The following PRKAR2A variants were observed in gnomAD, a reference collection of about 807,000 sequenced individuals.
PRKAR2A encodes protein kinase cAMP-dependent type II regulatory subunit alpha, also known as cAMP-dependent protein kinase type II-alpha regulatory subunit.
A neutral mutation model predicts 51.9 loss-of-function variants in PRKAR2A; 29 were observed. That is an observed-to-expected ratio of 0.56 (90% CI 0.42 to 0.76). The LOEUF (loss-of-function observed/expected upper bound fraction) is 0.76, where lower values mean the gene tolerates loss of function less well. Among genes scored for constraint, PRKAR2A ranks in the 30% least tolerant of loss-of-function variants. PRKAR2A has a pLI of 0.00. For synonymous variants in PRKAR2A, 178 were observed against 186.2 expected, an observed-to-expected ratio of 0.96 and a Z score of 0.36; for missense variants, 445 against 512.1, an observed-to-expected ratio of 0.87 and a Z score of 1.26.
At chr3:48,765,442 T>C (rs2081927115) in intron 6 of PRKAR2A, 93 bp from the exon 7 acceptor site, 3 of 799,994 alleles carry the variant, frequency 3.8e-6, no homozygotes, top group South Asian at 3.7e-5. Context: ...TAGAGGAATA[T>C]GTAAGTTACT....
chr3:48,781,746 C>CAG (rs2082200208), intron 5 of PRKAR2A, among the ~76,000 whole-genome samples: 1 of 151,748 alleles, frequency 6.6e-6, no homozygotes, highest in African/African-American at 2.4e-5. Context: ...CTCCTGACCT[C>CAG]GTGATCTGCC....
intron 1 of PRKAR2A, among the ~76,000 whole-genome samples, chr3:48,845,061 G>A (rs2083441096): frequency 1.3e-5 from 2 of 152,138 alleles, no homozygotes; most frequent in African/African-American, 4.8e-5. Flanking sequence ...AATAAAAATT[G>A]TCTCAAAGCA....
intron 1 of PRKAR2A, among the ~76,000 whole-genome samples, chr3:48,836,066 G>A (rs2083278276): frequency 6.6e-6 from 1 of 151,996 alleles, no homozygotes; most frequent in Non-Finnish European, 1.5e-5. Context: ...ACAATTAAGT[G>A]AGAAAAGAAT....
At chr3:48,835,407 C>A (rs1242843013) in intron 1 of PRKAR2A, among the ~76,000 whole-genome samples, 2 of 151,926 alleles carry the variant, frequency 1.3e-5, no homozygotes, top group African/African-American at 4.8e-5. Flanking sequence ...TTTGGGAGGC[C>A]AAGGCGGGCA....
chr3:48,846,444 T>A (rs959767482), intron 1 of PRKAR2A, among the ~76,000 whole-genome samples: 1 of 151,980 alleles, frequency 6.6e-6, no homozygotes, highest in Non-Finnish European at 1.5e-5. Flanking sequence ...CTCGAACTCC[T>A]GACCTCAGGT....
In PRKAR2A at chr3:48,749,240, C is replaced by T. The variant is rs1006024547; in HGVS notation, c.*2345G>A. On this transcript the variant is annotated 3_prime_UTR_variant, in exon 11 of 11. Transcript: ENST00000265563. The stretch of plus-strand genomic sequence containing the variant: ...ATCTTTACGGAAATTTCACACTGCT[C>T]CTAGGAGCCCTTATAGCATCTGATT... 1 of 152,132 alleles carries T rather than the reference C, an allele frequency of 6.6e-6. No individual in the cohort carries two copies. The highest frequency in any genetic ancestry group is 2.4e-5 in the African/African-American group (1 of 41,408). The allele number at this position is 152,132 out of a possible 1,614,324, so 9.4% of individuals were successfully genotyped here.
chr3:48,752,131 T>C, intron 10 of PRKAR2A, 45 bp downstream of exon 10: 2 of 1,590,146 alleles, frequency 1.3e-6, no homozygotes, highest in Non-Finnish European at 1.7e-6. Flanking sequence ...AAAAAAATAT[T>C]ACATGTTAGA....
intron 1 of PRKAR2A, among the ~76,000 whole-genome samples, chr3:48,810,927 A>T (rs1350017939): frequency 6.6e-6 from 1 of 152,176 alleles, no homozygotes; most frequent in East Asian, 1.9e-4. Context: ...TTATAATCTC[A>T]GCATTTTGGG....
Position 48,794,032 on chromosome 3 carries a change from T to C in PRKAR2A, c.316A>G (p.Asn106Asp). The C allele has an allele frequency of 6.2e-7, 1 of 1,605,924 alleles. No individual in the cohort carries two copies. Among genetic ancestry groups the C allele is most frequent in the South Asian group, 1.1e-5 (1 of 90,798 alleles). The part of the protein sequence containing the change: ...RRVSVCAETY[N>D]PDEEEEDTDP... ...GTATCTTCCTCTTCCTCATCAGGGT[T>C]ATAGGTCTCAGCACAGACTAAAATT... Residue 106 changes from asparagine to aspartate, a missense_variant, in exon 3 of 11, where the codon AAC becomes GAC. Coordinates refer to ENST00000265563, the MANE Select transcript of PRKAR2A (RefSeq NM_004157.4).
Position 48,840,879 on chromosome 3 carries a change from C to CTT in PRKAR2A, c.262+6454_262+6455dup, listed in dbSNP as rs998914309. Among the ~76,000 whole-genome samples the CTT allele has an allele frequency of 3.7e-3, 372 of 100,746 alleles. 4 individuals carry two copies. The highest frequency in any genetic ancestry group is 5.6e-3 in the Non-Finnish European group (275 of 49,244). The allele number at this position is 100,746 out of a possible 152,430, so 66.1% of individuals were successfully genotyped here. A position where few individuals can be genotyped will look rare whatever the true frequency, so the allele number is the denominator to read the frequency against. ...GCATGAGCCACAGGGCCTGGCCCACCTTTTTTTTTTTTTTTTTTTTTGAGA... is the reference window on the plus strand; with the variant it reads ...GCATGAGCCACAGGGCCTGGCCCACCTTTTTTTTTTTTTTTTTTTTTTTGAGA... On this transcript the variant is annotated intron_variant, in intron 1 of 10. Transcript: ENST00000265563.
chr3:48,829,678 ATG>A (rs765041124), intron 1 of PRKAR2A, among the ~76,000 whole-genome samples: 1,542 of 130,592 alleles, frequency 0.012, 36 homozygotes, highest in Admixed American at 0.017. Flanking sequence ...ACACACATAA[ATG>A]TGTGTGTGTA....
chr3:48,808,044 CTTTCTT>C, intron 1 of PRKAR2A, among the ~76,000 whole-genome samples: 1 of 135,086 alleles, frequency 7.4e-6, no homozygotes, highest in South Asian at 2.5e-4. Context: ...TTTTTTCTTT[CTTTCTT>C]TTTTTTTTTT....
intron 2 of PRKAR2A, among the ~76,000 whole-genome samples, chr3:48,803,748 G>C (rs1179640554): frequency 6.6e-6 from 1 of 152,160 alleles, no homozygotes; most frequent in African/African-American, 2.4e-5. Context: ...TAAAAGGCCA[G>C]GCGCAGTGGC....
intron 1 of PRKAR2A, among the ~76,000 whole-genome samples, chr3:48,829,590 A>ACACACACATAAGTGTGTGTATACGTGTG (rs1477522468): frequency 2.8e-5 from 1 of 35,648 alleles, no homozygotes; most frequent in Non-Finnish European, 5.8e-5. Flanking sequence ...ATGTGTGTAT[A>ACACACACATAAGTGTGTGTATACGTGTG]TATACACACA....
intron 2 of PRKAR2A, among the ~76,000 whole-genome samples, chr3:48,798,989 C>G (rs544406732): frequency 6.6e-6 from 1 of 152,300 alleles, no homozygotes; most frequent in African/African-American, 2.4e-5. Flanking sequence ...CTGGACTTAC[C>G]TCTCTTTGCC....
chr3:48,832,678 TA>T (rs1373577593), intron 1 of PRKAR2A, among the ~76,000 whole-genome samples: 1 of 152,146 alleles, frequency 6.6e-6, no homozygotes, highest in Admixed American at 6.6e-5. Context: ...ATTTTTTTTT[TA>T]ATTTTTTAAG....
chr3:48,834,384 C>CA (rs1253196708), intron 1 of PRKAR2A, among the ~76,000 whole-genome samples: 2 of 151,904 alleles, frequency 1.3e-5, no homozygotes, highest in African/African-American at 4.8e-5. Flanking sequence ...CAATAACAAA[C>CA]AAAAAAGAGC....
rs571687648 is a variant in PRKAR2A at position 48,838,051 on chromosome 3, G to A, written c.262+9284C>T. ...AAATTAGCCGGGTGTGGTGGCGGGC[G>A]CCTGTAGTCCCAGCTACTCGGGAGG... On this transcript the variant is annotated intron_variant, in intron 1 of 10. Coordinates refer to ENST00000265563, the MANE Select transcript of PRKAR2A (RefSeq NM_004157.4). Among the ~76,000 whole-genome samples the A allele has an allele frequency of 4.9e-4, 74 of 152,056 alleles. 1 individual carries two copies. The highest frequency in any genetic ancestry group is 1.5e-3 in the African/African-American group (61 of 41,472).
chr3:48,770,818 T>C (rs772373938), intron 6 of PRKAR2A, among the ~76,000 whole-genome samples: 2 of 152,190 alleles, frequency 1.3e-5, no homozygotes, highest in African/African-American at 4.8e-5. Context: ...AGGGAGTCAC[T>C]TCTCTTATGC....
Sources: gnomAD v4.1 joint callset for allele counts (sites outside exome capture counted in the v4.1 genomes callset) on GRCh38, gnomAD v4.1.1 for gene constraint, MANE v1.5 for transcripts, NCBI Gene and HGNC (gene_info 2026-07-23, HGNC 2026-07-21) for gene names.